The following ULK4 variants were observed in gnomAD, a reference collection of about 807,000 sequenced individuals.
The protein encoded by ULK4 is unc-51 like kinase 4.
In ULK4, 133 loss-of-function variants were observed where a neutral mutation model predicts 160.6. That is an observed-to-expected ratio of 0.83 (90% CI 0.72 to 0.96). ULK4 has a LOEUF of 0.96. ULK4 is among the 40% of genes least tolerant of loss of function. The probability of loss-of-function intolerance (pLI) is 0.00; values close to 1 mark genes in which losing one functional copy is unlikely to be tolerated. For synonymous variants in ULK4, 534 were observed against 539.8 expected, an observed-to-expected ratio of 0.99 and a Z score of 0.15; for missense variants, 1,580 against 1,499.5, an observed-to-expected ratio of 1.05 and a Z score of -0.89.
At chr3:41,751,180 C>T (rs1474691216) in intron 22 of ULK4, among the ~76,000 whole-genome samples, 2 of 152,048 alleles carry the variant, frequency 1.3e-5, no homozygotes, top group Non-Finnish European at 2.9e-5. Flanking sequence ...GGCAAAGAAG[C>T]AGGTATTAAG....
chr3:41,433,678 A>G (rs984031631), intron 34 of ULK4, among the ~76,000 whole-genome samples: 1 of 152,208 alleles, frequency 6.6e-6, no homozygotes, highest in African/African-American at 2.4e-5. Flanking sequence ...ATACAGATTG[A>G]GCATCTCTAA....
intron 31 of ULK4, among the ~76,000 whole-genome samples, chr3:41,592,571 T>C (rs1036722111): frequency 1.3e-5 from 2 of 152,082 alleles, no homozygotes; most frequent in Non-Finnish European, 2.9e-5. Flanking sequence ...AATAAAAAAA[T>C]TTTTTTAAAT....
intron 32 of ULK4, among the ~76,000 whole-genome samples, chr3:41,522,137 T>C (rs1263126457): frequency 6.6e-6 from 1 of 150,774 alleles, no homozygotes; most frequent in Non-Finnish European, 1.5e-5. Context: ...TTCTTTTTTT[T>C]TTTTTTTGAG....
intron 22 of ULK4, among the ~76,000 whole-genome samples, chr3:41,726,626 AT>A (rs538710359): frequency 6.6e-6 from 1 of 151,900 alleles, no homozygotes; most frequent in Non-Finnish European, 1.5e-5. Flanking sequence ...TCCCTTACTA[AT>A]TTTTTTGAGA....
rs535862001 is a variant in ULK4, at chr3:41,717,602, G to T, written c.2455+126C>A. On this transcript the variant is annotated intron_variant, in intron 23 of 36. Coordinates refer to ENST00000301831, the MANE Select transcript of ULK4 (RefSeq NM_017886.4). ...ATTTAAATCTTGAAACTACATATTC[G>T]TTAAAAAGTGTCTGCATTTGCCTTC... 3.8e-5 allele frequency: 45 copies of T among 1,189,316 alleles called. No homozygotes were observed. In the South Asian group the frequency reaches 7.6e-4, roughly 20 times the overall value. The allele number at this position is 1,189,316 out of a possible 1,614,324, so 73.7% of individuals were successfully genotyped here.
At chr3:41,879,947 T>C (rs773622505) in intron 17 of ULK4, among the ~76,000 whole-genome samples, 6 of 151,962 alleles carry the variant, frequency 3.9e-5, no homozygotes, top group Non-Finnish European at 5.9e-5. Context: ...TGAAACCCCA[T>C]CTCTACTAAA....
chr3:41,894,743 T>C (rs1698092281), intron 16 of ULK4, among the ~76,000 whole-genome samples: 1 of 152,146 alleles, frequency 6.6e-6, no homozygotes, highest in African/African-American at 2.4e-5. Flanking sequence ...AGAAAGCTGA[T>C]CTTTGATCCA....
At chr3:41,494,107 CT>C (rs2084899080) in intron 32 of ULK4, among the ~76,000 whole-genome samples, 1 of 120,108 alleles carries the variant, frequency 8.3e-6, no homozygotes, top group African/African-American at 3.0e-5. Flanking sequence ...GATACCAAAG[CT>C]GGGCAGAGAC....
chr3:41,931,158 A>T (rs1699582234), intron 5 of ULK4, among the ~76,000 whole-genome samples: 1 of 152,238 alleles, frequency 6.6e-6, no homozygotes, highest in African/African-American at 2.4e-5. Flanking sequence ...GCCATAAAAA[A>T]GGATGAGTTC....
intron 12 of ULK4, among the ~76,000 whole-genome samples, 173 bp downstream of exon 12, chr3:41,907,672 C>G (rs960293239): frequency 3.9e-5 from 6 of 152,134 alleles, no homozygotes; most frequent in African/African-American, 1.4e-4. Flanking sequence ...AACCATGAAG[C>G]AACTAAATGG....
intron 32 of ULK4, among the ~76,000 whole-genome samples, chr3:41,475,646 A>C (rs1343415945): frequency 2.0e-5 from 3 of 152,218 alleles, no homozygotes; most frequent in Non-Finnish European, 4.4e-5. Flanking sequence ...AATTAAAAAA[A>C]GAACGTTAAA....
At chr3:41,619,011 C>A (rs1482556432) in intron 30 of ULK4, among the ~76,000 whole-genome samples, 2 of 151,366 alleles carry the variant, frequency 1.3e-5, no homozygotes, top group African/African-American at 4.8e-5. Flanking sequence ...TTTAAACCAA[C>A]AAAGATCAAA....
At chr3:41,823,209 A>G (rs1179040073) in intron 18 of ULK4, among the ~76,000 whole-genome samples, 1 of 152,196 alleles carries the variant, frequency 6.6e-6, no homozygotes. Flanking sequence ...CAAACAACTC[A>G]GAAGAAAATA....
chr3:41,421,588 T>G (rs971774588), intron 34 of ULK4, among the ~76,000 whole-genome samples: 2 of 152,246 alleles, frequency 1.3e-5, no homozygotes, highest in African/African-American at 4.8e-5. Context: ...TTTCTAGTGC[T>G]TGAACTATTC....
At position 41,756,423 on chromosome 3, in the gene ULK4, T is replaced by C. The variant is rs75923501; in HGVS notation, c.2194-1935A>G. On this transcript the variant is annotated intron_variant, in intron 21 of 36. Coordinates refer to ENST00000301831, the MANE Select transcript of ULK4 (RefSeq NM_017886.4). ...ATTAAAAAGAGGTTAAAACTAATTA[T>C]GGCATATGAGGTTCTTCATGGTCTG... 7.7e-3 allele frequency among the ~76,000 whole-genome samples: 1,178 copies of C among 152,314 alleles called. 20 individuals are homozygous for C. Among genetic ancestry groups the C allele is most frequent in the African/African-American group, 0.026 (1,078 of 41,560 alleles).
chr3:41,433,649 A>C (rs1421150460), intron 34 of ULK4, among the ~76,000 whole-genome samples: 1 of 152,210 alleles, frequency 6.6e-6, no homozygotes, highest in Admixed American at 6.5e-5. Context: ...ATACAGTACC[A>C]CAGTCATCCA....
intron 32 of ULK4, among the ~76,000 whole-genome samples, chr3:41,484,458 C>CTTTTTTTTTTTTTTTTTTTT (rs369059587): frequency 1.1e-4 from 15 of 134,930 alleles, no homozygotes; most frequent in Admixed American, 1.5e-4. Flanking sequence ...CTTTCTTTTC[C>CTTTTTTTTTTTTTTTTTTTT]TTTTTTTGTT....
Position 41,917,322 on chromosome 3 carries a change from C to T in ULK4, c.727+1135G>A, listed in dbSNP as rs149759331. Among the ~76,000 whole-genome samples the T allele has an allele frequency of 4.1e-3, 626 of 152,128 alleles. 7 individuals are homozygous for T. Among genetic ancestry groups the T allele is most frequent in the Middle Eastern group, 0.02 (6 of 294 alleles). On this transcript the variant is annotated intron_variant, in intron 7 of 36. Coordinates refer to ENST00000301831, the MANE Select transcript of ULK4 (RefSeq NM_017886.4). ...AGTTCAAGACAAGCTAGGCTACATA[C>T]CAAGACCTTGTCTCCACCAAAAAAT... is the stretch of plus-strand genomic sequence containing the variant.
In ULK4 at chr3:41,247,088, T is replaced by G. The variant is rs1446575464; in HGVS notation, c.3765-96A>C. The G allele has an allele frequency of 3.4e-6, 4 of 1,180,668 alleles. No homozygotes were observed. In the African/African-American group the frequency reaches 6.1e-5, roughly 18 times the overall value. The allele number at this position is 1,180,668 out of a possible 1,614,324, so 73.1% of individuals were successfully genotyped here. On this transcript the variant is annotated intron_variant, in intron 36 of 36. Transcript: ENST00000301831. ...GGCCAGCCTCTTTTGCACCCGAGTATCTGGTGGACCAGCTGCAGCATCCTC... is the reference window on the plus strand; with the variant it reads ...GGCCAGCCTCTTTTGCACCCGAGTAGCTGGTGGACCAGCTGCAGCATCCTC...
Sources: allele counts gnomAD v4.1 joint callset (sites outside exome capture counted in the v4.1 genomes callset), GRCh38; gene constraint gnomAD v4.1.1; transcripts MANE v1.5; gene names NCBI Gene and HGNC (gene_info 2026-07-23, HGNC 2026-07-21).